CTIF: variants seen among roughly 807,000 people sequenced by gnomAD.
The protein encoded by CTIF is cap binding complex dependent translation initiation factor.
Under a neutral mutation model 66.0 loss-of-function variants are expected in CTIF, and 21 were observed. The observed-to-expected ratio is 0.32, with a 90% CI of 0.23 to 0.46. The LOEUF (loss-of-function observed/expected upper bound fraction) is 0.46, where lower values mean the gene tolerates loss of function less well. Among genes scored for constraint, CTIF ranks in the 20% least tolerant of loss-of-function variants. The pLI, the probability that CTIF is intolerant of heterozygous loss-of-function variation, is 1.00. For missense variants in CTIF, 739 were observed against 812.7 expected, an observed-to-expected ratio of 0.91 and a Z score of 1.10; for synonymous variants, 345 against 326.4, an observed-to-expected ratio of 1.06 and a Z score of -0.62.
At chr18:48,678,227 C>T (rs1437414463) in intron 6 of CTIF, among the ~76,000 whole-genome samples, 5 of 151,982 alleles carry the variant, frequency 3.3e-5, no homozygotes, top group Non-Finnish European at 7.4e-5. Flanking sequence ...CTGCTGAAGG[C>T]AATAAAAATG....
chr18:48,859,182 C>T (rs2069400499), intron 11 of CTIF, among the ~76,000 whole-genome samples, 162 bp from the exon 12 acceptor site: 1 of 152,210 alleles, frequency 6.6e-6, no homozygotes, highest in East Asian at 1.9e-4. Context: ...GGCTACTCCA[C>T]CTTCCACTCT....
At chr18:48,597,901 T>A (rs977277068) in intron 1 of CTIF, among the ~76,000 whole-genome samples, 2 of 152,228 alleles carry the variant, frequency 1.3e-5, no homozygotes, top group African/African-American at 4.8e-5. Flanking sequence ...TTTTCCAGCC[T>A]GAGAACTTGG....
At chr18:48,737,313 C>T (rs1022100582) in intron 7 of CTIF, among the ~76,000 whole-genome samples, 2 of 152,252 alleles carry the variant, frequency 1.3e-5, no homozygotes, top group African/African-American at 4.8e-5. Flanking sequence ...GTCTCCAGCT[C>T]CTGCCCTGGT....
intron 9 of CTIF, among the ~76,000 whole-genome samples, chr18:48,788,238 T>TGTTGCTCAGG (rs1911893243): frequency 6.6e-6 from 1 of 152,188 alleles, no homozygotes; most frequent in Non-Finnish European, 1.5e-5. Context: ...TAGCCTGAGC[T>TGTTGCTCAGG]GGAAACATGC....
intron 5 of CTIF, among the ~76,000 whole-genome samples, chr18:48,669,988 G>A (rs958560419): frequency 1.3e-5 from 2 of 151,244 alleles, no homozygotes; most frequent in African/African-American, 4.9e-5. Flanking sequence ...TAACAAATGA[G>A]GAAACTCATT....
intron 9 of CTIF, among the ~76,000 whole-genome samples, chr18:48,799,494 G>C (rs2146210653): frequency 6.6e-6 from 1 of 152,114 alleles, no homozygotes; most frequent in South Asian, 2.1e-4. Context: ...TTTTTATCTG[G>C]GGACACTGGC....
intron 1 of CTIF, among the ~76,000 whole-genome samples, chr18:48,575,469 G>A (rs1428469305): frequency 6.6e-6 from 1 of 152,174 alleles, no homozygotes; most frequent in East Asian, 1.9e-4. Context: ...ATTAATTTTC[G>A]ATTTTCTTTT....
At chr18:48,851,308 C>T (rs1389779353) in intron 10 of CTIF, among the ~76,000 whole-genome samples, 1 of 152,214 alleles carries the variant, frequency 6.6e-6, no homozygotes, top group Non-Finnish European at 1.5e-5. Flanking sequence ...ACTGTGGAAC[C>T]GCTCTGCAGG....
At chr18:48,625,827 A>G (rs578173016) in intron 2 of CTIF, among the ~76,000 whole-genome samples, 2 of 152,170 alleles carry the variant, frequency 1.3e-5, no homozygotes, top group Admixed American at 1.3e-4. Context: ...ACTGTTGAAC[A>G]TGCCTCCTTC....
At chr18:48,690,711 C>T (rs56184633) in intron 6 of CTIF, among the ~76,000 whole-genome samples, 13,851 of 151,886 alleles carry the variant, frequency 0.091, 1,790 homozygotes, top group African/African-American at 0.29. Context: ...AGGCATCCTC[C>T]CAGAGCCGGA....
intron 3 of CTIF, among the ~76,000 whole-genome samples, chr18:48,637,675 CT>C (rs1204743118): frequency 6.6e-6 from 1 of 152,166 alleles, no homozygotes; most frequent in Non-Finnish European, 1.5e-5. Context: ...GGTTCTAGAT[CT>C]TTCTTAGGCT....
At chr18:48,740,490 C>G (rs1304560530) in intron 7 of CTIF, among the ~76,000 whole-genome samples, 8 of 152,376 alleles carry the variant, frequency 5.3e-5, no homozygotes, top group Admixed American at 4.6e-4. Context: ...GCTGGACTGT[C>G]CTTTCTCCAG....
chr18:48,702,149 C>A (rs1398320253), intron 6 of CTIF, among the ~76,000 whole-genome samples: 1 of 152,172 alleles, frequency 6.6e-6, no homozygotes, highest in African/African-American at 2.4e-5. Context: ...CCGGGTCACC[C>A]AAAGGGTGTG....
chr18:48,813,341 T>G (rs569689165), intron 9 of CTIF, among the ~76,000 whole-genome samples: 1 of 152,398 alleles, frequency 6.6e-6, no homozygotes, highest in East Asian at 1.9e-4. Context: ...GTTTTTCATT[T>G]TATTTATATC....
rs188877346 is a variant in CTIF at position 48,686,964 on chromosome 18, A to G, written c.507+16220A>G. On this transcript the variant is annotated intron_variant, in intron 6 of 11. Coordinates refer to ENST00000256413, the MANE Select transcript of CTIF (RefSeq NM_014772.3). ...TTGATCTCTGTGCTTATGGGGGTTT[A>G]CAAGTTTTTGTATTCATGAGAGAGC... Among the ~76,000 whole-genome samples the G allele has an allele frequency of 4.6e-5, 7 of 152,246 alleles. No individual in the cohort carries two copies. In the East Asian group the frequency reaches 1.2e-3, roughly 25 times the overall value.
At chr18:48,673,509 A>G (rs953521247) in intron 6 of CTIF, 1 of 152,220 alleles carries the variant, frequency 6.6e-6, no homozygotes, top group African/African-American at 2.4e-5. Context: ...GCATAATACT[A>G]AACAAACCCC....
Position 48,761,419 on chromosome 18 carries a change from C to T in CTIF, c.1101C>T (p.Pro367=). ...KDEVAVETTT[P]QQNKMDKLIE... Reference sequence around the variant, plus strand: ...AAGTGGCCGTGGAGACGACCACTCCCCAGCAGAACAAGATGGACAAGCTGA... The same window carrying T: ...AAGTGGCCGTGGAGACGACCACTCCTCAGCAGAACAAGATGGACAAGCTGA... The change falls in exon 9 of 12, where the codon CCC becomes CCT. Residue 367 remains proline (P), a synonymous_variant. Transcript: ENST00000256413. The surrounding 1 kb of genome is among the most constrained non-coding windows in gnomAD (Gnocchi z 4.2). 5 of 1,613,956 alleles carry T rather than the reference C, an allele frequency of 3.1e-6. No individual in the cohort carries two copies. The highest frequency in any genetic ancestry group is 4.2e-6 in the Non-Finnish European group (5 of 1,180,030).
chr18:48,598,737 A>G (rs964198508), intron 1 of CTIF, among the ~76,000 whole-genome samples: 1 of 152,212 alleles, frequency 6.6e-6, no homozygotes, highest in Admixed American at 6.5e-5. Flanking sequence ...AATGAGCATG[A>G]TAGCACCAAT....
chr18:48,683,456 CCCT>C (rs2091781622), intron 6 of CTIF, among the ~76,000 whole-genome samples: 2 of 151,192 alleles, frequency 1.3e-5, no homozygotes, highest in South Asian at 2.1e-4. Context: ...CCGAGCCTCA[CCCT>C]CCTCCTGTGA....
Sources: gnomAD v4.1 joint callset for allele counts (sites outside exome capture counted in the v4.1 genomes callset) on GRCh38, gnomAD v4.1.1 for gene constraint, Gnocchi (gnomAD v3.1) non-coding constraint, MANE v1.5 for transcripts, NCBI Gene and HGNC (gene_info 2026-07-23, HGNC 2026-07-21) for gene names.